AASS: variants seen among roughly 807,000 people sequenced by gnomAD.
AASS encodes the protein alpha-aminoadipic semialdehyde synthase, mitochondrial.
In AASS, 86 loss-of-function variants were observed where a neutral mutation model predicts 105.4. The observed-to-expected ratio is 0.82, with a 90% CI of 0.69 to 0.98. The LOEUF (loss-of-function observed/expected upper bound fraction) is 0.98. Ranked by LOEUF, AASS falls within the 50% of genes least tolerant of loss-of-function variation. AASS has a pLI of 0.00. For synonymous variants in AASS, 381 were observed against 394.8 expected (o/e 0.96, Z 0.41); for missense variants, 1,048 against 1,143.2 (o/e 0.92, Z 1.20).
At chr7:122,123,525 A>G (rs1455117672) in intron 4 of AASS, among the ~76,000 whole-genome samples, 1 of 152,232 alleles carries the variant, frequency 6.6e-6, no homozygotes, top group Non-Finnish European at 1.5e-5. Context: ...TGGAGGGCAC[A>G]TGGTTTTTGC....
chr7:122,093,023 T>C lies in AASS; in HGVS notation c.1766+25A>G, dbSNP rs754343345. 7.4e-6 allele frequency: 12 copies of C among 1,611,630 alleles called. No individual in the cohort carries two copies. In the East Asian group the frequency reaches 1.8e-4, roughly 24 times the overall value. On this transcript the variant is annotated intron_variant, in intron 16 of 23. Coordinates refer to ENST00000417368, the MANE Select transcript of AASS (RefSeq NM_005763.4). Reference sequence around the variant, plus strand: ...AAAACAATGCCATGGATCCACTCAGTTTGTTTAAAATGATTAAAACTTACC... The same window carrying C: ...AAAACAATGCCATGGATCCACTCAGCTTGTTTAAAATGATTAAAACTTACC...
At chr7:122,106,761 T>C (rs1438956108) in intron 11 of AASS, among the ~76,000 whole-genome samples, 3 of 152,004 alleles carry the variant, frequency 2.0e-5, no homozygotes, top group Non-Finnish European at 4.4e-5. Flanking sequence ...GTAAATCAAC[T>C]CAAAGTGGAT....
chr7:122,129,606 G>A (rs1795815219), intron 2 of AASS, 69 bp from the exon 3 acceptor site: 15 of 1,405,794 alleles, frequency 1.1e-5, no homozygotes, highest in Non-Finnish European at 1.5e-5. Context: ...TGAGCAAAAT[G>A]TGTAGCAAAG....
At position 122,076,595 on chromosome 7, in the gene AASS, G is replaced by A. The variant is rs1265116149; in HGVS notation, c.2675C>T (p.Ala892Val). ...TGAAAAGGGCCCCATTAGGCCTTTGGCTCCAATTTCACCTGGAAGAAAATA... is the reference window on the plus strand; with the variant it reads ...TGAAAAGGGCCCCATTAGGCCTTTGACTCCAATTTCACCTGGAAGAAAATA... ...AKMLLDGEIG[A>V]KGLMGPFSKE... is the part of the protein sequence containing the mutation. The change falls in exon 24 of 24, where the codon GCC (alanine) becomes GTC (valine). Residue 892 changes from alanine to valine, a missense_variant. Coordinates refer to ENST00000417368, the MANE Select transcript of AASS (RefSeq NM_005763.4). The A allele has an allele frequency of 6.2e-7, 1 of 1,610,516 alleles. No homozygotes were observed. Among genetic ancestry groups the A allele is most frequent in the Non-Finnish European group, 8.5e-7 (1 of 1,176,782 alleles).
At chr7:122,126,353 A>C in intron 4 of AASS, 22 bp downstream of exon 4, 2 of 1,607,498 alleles carry the variant, frequency 1.2e-6, no homozygotes, top group Non-Finnish European at 1.7e-6. Context: ...GAAGTGGGTG[A>C]TGTAAGCCCT....
At chr7:122,095,705 T>A (rs1448894141) in intron 15 of AASS, among the ~76,000 whole-genome samples, 2 of 152,064 alleles carry the variant, frequency 1.3e-5, no homozygotes, top group East Asian at 3.9e-4. Context: ...TTTATCAGTA[T>A]CAAAAGCTCC....
intron 1 of AASS, among the ~76,000 whole-genome samples, chr7:122,138,393 G>A (rs543184335): frequency 2.2e-4 from 33 of 152,136 alleles, no homozygotes; most frequent in African/African-American, 6.0e-4. Context: ...TATAAATTGG[G>A]CACTGTAAGA....
At chr7:122,108,579 T>G (rs188739574) in intron 11 of AASS, among the ~76,000 whole-genome samples, 1 of 152,062 alleles carries the variant, frequency 6.6e-6, no homozygotes, top group African/African-American at 2.4e-5. Context: ...AACCATATGA[T>G]TATTCCAACA....
chr7:122,094,638 T>C (rs1366922238), intron 15 of AASS, among the ~76,000 whole-genome samples: 1 of 152,182 alleles, frequency 6.6e-6, no homozygotes, highest in East Asian at 1.9e-4. Flanking sequence ...AACACTCATA[T>C]TTATGAAAAT....
chr7:122,122,559 G>A (rs543751231), intron 4 of AASS, among the ~76,000 whole-genome samples: 1 of 152,284 alleles, frequency 6.6e-6, no homozygotes, highest in South Asian at 2.1e-4. Flanking sequence ...GTCTTGCAAT[G>A]GAACATTAAC....
chr7:122,126,568 C>T (rs1327825378), intron 3 of AASS, 109 bp from the exon 4 acceptor site: 10 of 923,984 alleles, frequency 1.1e-5, no homozygotes, highest in Middle Eastern at 4.4e-4. Context: ...TGAAATACAC[C>T]TTAACTTGCT....
At chr7:122,103,415 T>G (rs1205089364) in intron 11 of AASS, among the ~76,000 whole-genome samples, 2 of 151,952 alleles carry the variant, frequency 1.3e-5, no homozygotes, top group African/African-American at 4.8e-5. Context: ...CAAGCAAAAG[T>G]TTAGGGAATT....
At chr7:122,133,243 A>G (rs144938840) in intron 2 of AASS, among the ~76,000 whole-genome samples, 142 of 152,274 alleles carry the variant, frequency 9.3e-4, no homozygotes, top group African/African-American at 2.6e-3. Context: ...TACATTCTCA[A>G]AGGAGCATTC....
At chr7:122,103,374 G>GA (rs1044839412) in intron 11 of AASS, among the ~76,000 whole-genome samples, 7 of 151,800 alleles carry the variant, frequency 4.6e-5, no homozygotes, top group African/African-American at 1.7e-4. Context: ...CTGTCCTTCA[G>GA]AAAAAAAGAA....
intron 2 of AASS, 144 bp downstream of exon 2, chr7:122,133,373 T>A: frequency 1.1e-6 from 1 of 937,746 alleles, no homozygotes; most frequent in Non-Finnish European, 1.7e-6. Flanking sequence ...TCAGCTGGAG[T>A]AAGCATAGGG....
rs995908092 is a variant in AASS, at chr7:122,129,540, G to A, written c.211-3C>T. 2.5e-6 allele frequency: 4 copies of A among 1,612,372 alleles called. No individual in the cohort carries two copies. Among genetic ancestry groups the A allele is most frequent in the Non-Finnish European group, 2.5e-6 (3 of 1,178,930 alleles). ...ATGCCACCAGCTTTGACATAGTCCT[G>A]AAATTGTAATTATGATTAAAGGTTA... On this transcript the variant is annotated splice_region_variant and splice_polypyrimidine_tract_variant and intron_variant, in intron 2 of 23. Coordinates refer to ENST00000417368, the MANE Select transcript of AASS (RefSeq NM_005763.4).
intron 1 of AASS, among the ~76,000 whole-genome samples, chr7:122,134,569 G>T (rs998974546): frequency 3.3e-5 from 5 of 152,106 alleles, no homozygotes; most frequent in African/African-American, 1.2e-4. Context: ...TTACAGGGGT[G>T]ATCCACCATG....
rs371470691 is a variant in AASS at position 122,110,136 on chromosome 7, G to A, written c.1278+2982C>T. On this transcript the variant is annotated intron_variant, in intron 11 of 23. Coordinates refer to ENST00000417368, the MANE Select transcript of AASS (RefSeq NM_005763.4). The stretch of plus-strand genomic sequence containing the variant: ...AAAGTAAAATAAAGAATATAGTATA[G>A]GTAAGATTATAAATTAAGAAAACAG... Among the ~76,000 whole-genome samples the A allele has an allele frequency of 2.6e-5, 4 of 151,842 alleles. No individual in the cohort carries two copies. The East Asian group carries it at 7.7e-4, about 29-fold the overall frequency.
At chr7:122,087,200 G>A (rs1793673466) in intron 18 of AASS, among the ~76,000 whole-genome samples, 1 of 152,132 alleles carries the variant, frequency 6.6e-6, no homozygotes, top group South Asian at 2.1e-4. Context: ...AGAGGCCTTT[G>A]GCTAAACTTA....
Sources: allele counts gnomAD v4.1 joint callset (sites outside exome capture counted in the v4.1 genomes callset), GRCh38; gene constraint gnomAD v4.1.1; transcripts MANE v1.5; gene names NCBI Gene and HGNC (gene_info 2026-07-23, HGNC 2026-07-21).